RAB3IP: variants seen among roughly 807,000 people sequenced by gnomAD.
The protein encoded by RAB3IP is RAB3A interacting protein.
A neutral mutation model predicts 59.1 loss-of-function variants in RAB3IP; 36 were observed. The observed-to-expected ratio is 0.61, with a 90% CI of 0.47 to 0.80. The LOEUF (loss-of-function observed/expected upper bound fraction) is 0.80, where lower values mean the gene tolerates loss of function less well. Among genes scored for constraint, RAB3IP ranks in the 30% least tolerant of loss-of-function variants. RAB3IP has a pLI of 0.00. For missense variants in RAB3IP, 511 were observed against 536.0 expected (o/e 0.95, Z 0.46); for synonymous variants, 207 against 191.2 (o/e 1.08, Z -0.68).
chr12:69,771,609 C>T (rs77744545), intron 3 of RAB3IP, among the ~76,000 whole-genome samples: 4,410 of 151,976 alleles, frequency 0.029, 82 homozygotes, highest in Non-Finnish European at 0.044. Context: ...CTGCGGTAAA[C>T]TTGGGAGTGC....
In RAB3IP at chr12:69,770,277, C is replaced by T. The variant is rs1305365649; in HGVS notation, c.510+13614C>T. Among the ~76,000 whole-genome samples, 3 of 152,096 alleles carry T rather than the reference C, an allele frequency of 2.0e-5. No individual in the cohort carries two copies. In the East Asian group the frequency reaches 5.8e-4, roughly 29 times the overall value. ...TATCCACTGGGGGTTTTGTTCCAGT[C>T]CTCCAAATCCGCCCCCCCACCCTGC... On this transcript the variant is annotated intron_variant, in intron 3 of 10. Transcript: ENST00000247833.
rs1200773701 is a variant in RAB3IP, at chr12:69,811,211, A to G, written c.1131-1567A>G. 2.0e-5 allele frequency among the ~76,000 whole-genome samples: 3 copies of G among 152,138 alleles called. No individual in the cohort carries two copies. In the East Asian group the frequency reaches 5.8e-4, roughly 29 times the overall value. ...AACACATGGACACATAGAAGGGAAC[A>G]ACACACACTGCCGCTTGTGGAAGGG... On this transcript the variant is annotated intron_variant, in intron 8 of 10. Transcript: ENST00000247833.
intron 3 of RAB3IP, among the ~76,000 whole-genome samples, chr12:69,770,487 A>G (rs1592512578): frequency 6.6e-6 from 1 of 152,098 alleles, no homozygotes; most frequent in African/African-American, 2.4e-5. Context: ...TTTTTTCTCA[A>G]CATTTTGATC....
intron 6 of RAB3IP, among the ~76,000 whole-genome samples, chr12:69,798,912 T>C (rs531401560): frequency 6.6e-6 from 1 of 152,324 alleles, no homozygotes; most frequent in East Asian, 1.9e-4. Flanking sequence ...ATTGGAGATG[T>C]GACATCTCTT....
rs1401122664 is a variant in RAB3IP at position 69,795,257 on chromosome 12, T to C, written c.801T>C (p.His267=). 6.2e-7 allele frequency: 1 copy of C among 1,613,946 alleles called. No homozygotes were observed. The highest frequency in any genetic ancestry group is 8.5e-7 in the Non-Finnish European group (1 of 1,179,978). Residue 267 remains histidine (H), a synonymous_variant, in exon 6 of 11, where the codon CAT becomes CAC. Transcript: ENST00000247833. ...PGGKTPFKKG[H]TRNKSTSSAM... is the part of the protein sequence containing the mutation. Reference sequence around the variant, plus strand: ...GAAAGACACCTTTTAAAAAGGGGCATACAAGAAATAAAAGCACAAGCAGTG... The same window carrying C: ...GAAAGACACCTTTTAAAAAGGGGCACACAAGAAATAAAAGCACAAGCAGTG...
chr12:69,807,237 G>A (rs1188748650), intron 8 of RAB3IP, among the ~76,000 whole-genome samples: 3 of 149,680 alleles, frequency 2.0e-5, no homozygotes, highest in African/African-American at 4.9e-5. Flanking sequence ...CTCTCAGACG[G>A]GGCAGCCGTG....
rs1592642868 is a variant in RAB3IP at position 69,815,917 on chromosome 12, G to A, written c.*471G>A. On this transcript the variant is annotated 3_prime_UTR_variant, in exon 11 of 11. Transcript: ENST00000247833. ...TATTTTTATCTGTTTTCTATATTGG[G>A]TTTCAAAAAAGATTTTATTTGAAGA... 1 of 152,450 alleles carries A rather than the reference G, an allele frequency of 6.6e-6. No individual in the cohort carries two copies. The highest frequency in any genetic ancestry group is 1.5e-5 in the Non-Finnish European group (1 of 68,004). The allele number at this position is 152,450 out of a possible 1,614,324, so 9.4% of individuals were successfully genotyped here.
At chr12:69,771,574 C>T (rs532444904) in intron 3 of RAB3IP, among the ~76,000 whole-genome samples, 25 of 152,068 alleles carry the variant, frequency 1.6e-4, no homozygotes, top group African/African-American at 5.3e-4. Flanking sequence ...AGGTTAATTC[C>T]ATGTCTTAGC....
intron 1 of RAB3IP, among the ~76,000 whole-genome samples, chr12:69,742,140 G>A (rs1887407887): frequency 6.6e-6 from 1 of 152,184 alleles, no homozygotes; most frequent in East Asian, 1.9e-4. Flanking sequence ...GGATAGTTGA[G>A]TAGTGGAGAG....
chr12:69,742,113 A>G (rs1201923780), intron 1 of RAB3IP, among the ~76,000 whole-genome samples: 3 of 152,236 alleles, frequency 2.0e-5, no homozygotes, highest in African/African-American at 4.8e-5. Context: ...ATGAATGTCA[A>G]CTAAGACAAA....
chr12:69,809,652 G>A (rs927247396), intron 8 of RAB3IP, among the ~76,000 whole-genome samples: 176 of 151,306 alleles, frequency 1.2e-3, no homozygotes, highest in African/African-American at 4.0e-3. Flanking sequence ...CATTCATTTT[G>A]TCTTCCATCA....
chr12:69,784,157 G>T (rs1320877122), intron 3 of RAB3IP, among the ~76,000 whole-genome samples: 1 of 152,034 alleles, frequency 6.6e-6, no homozygotes. Context: ...TATAAATGTA[G>T]AATGTGATTT....
At chr12:69,773,405 T>C (rs1174395543) in intron 3 of RAB3IP, among the ~76,000 whole-genome samples, 1 of 134,466 alleles carries the variant, frequency 7.4e-6, no homozygotes, top group Non-Finnish European at 1.6e-5. Flanking sequence ...CTTTCTTTTT[T>C]TTTTTTTTTT....
intron 8 of RAB3IP, among the ~76,000 whole-genome samples, chr12:69,804,577 A>G (rs1183749962): frequency 6.6e-6 from 1 of 152,208 alleles, no homozygotes; most frequent in Non-Finnish European, 1.5e-5. Flanking sequence ...GTCCATGCCT[A>G]TGTCCTGAAT....
At position 69,795,289 on chromosome 12, in the gene RAB3IP, G is replaced by A. The variant is rs1180507420; in HGVS notation, c.833G>A (p.Ser278Asn). The change falls in exon 6 of 11, where the codon AGT becomes AAT. Residue 278 changes from serine to asparagine, a missense_variant. By Grantham distance (46) the Ser-to-Asn change is conservative (BLOSUM62 1). Transcript: ENST00000247833. ...AATAAAAGCACAAGCAGTGCTATGA[G>A]TGGCAGTCATCAGGACCTCAGTGTG... ...TRNKSTSSAM[S>N]GSHQDLSVIQ... is the part of the protein sequence containing the mutation. 1 of 1,614,098 alleles carries A rather than the reference G, an allele frequency of 6.2e-7. No individual in the cohort carries two copies. The highest frequency in any genetic ancestry group is 1.7e-5 in the Admixed American group (1 of 60,002).
At chr12:69,786,880 C>G (rs970389560) in intron 4 of RAB3IP, among the ~76,000 whole-genome samples, 1 of 152,176 alleles carries the variant, frequency 6.6e-6, no homozygotes, top group South Asian at 2.1e-4. Context: ...TGGCTGTTAG[C>G]ATTGACACTG....
chr12:69,784,009 T>C (rs552502933), intron 3 of RAB3IP, among the ~76,000 whole-genome samples: 6 of 152,326 alleles, frequency 3.9e-5, no homozygotes, highest in Admixed American at 2.0e-4. Flanking sequence ...TTGTGACTAA[T>C]ATGTAAGGAG....
At position 69,773,264 on chromosome 12, in the gene RAB3IP, C is replaced by T. The variant is rs183875611; in HGVS notation, c.511-11456C>T. Among the ~76,000 whole-genome samples, 127 of 151,986 alleles carry T rather than the reference C, an allele frequency of 8.4e-4. 1 individual carries two copies. Among genetic ancestry groups the T allele is most frequent in the African/African-American group, 2.7e-3 (112 of 41,478 alleles). On this transcript the variant is annotated intron_variant, in intron 3 of 10. Coordinates refer to ENST00000247833, the MANE Select transcript of RAB3IP (RefSeq NM_022456.5). Reference sequence around the variant, plus strand: ...TCTTTGAGAGCTTGATTATAATATGCCTTGGGGTAGTCTTATTTAGGTTGA... The same window carrying T: ...TCTTTGAGAGCTTGATTATAATATGTCTTGGGGTAGTCTTATTTAGGTTGA...
intron 8 of RAB3IP, among the ~76,000 whole-genome samples, chr12:69,808,845 CTT>C (rs1274413524): frequency 6.6e-6 from 1 of 152,002 alleles, no homozygotes; most frequent in Non-Finnish European, 1.5e-5. Flanking sequence ...GGTCTTGACT[CTT>C]TATCCAATTT....
Sources: gnomAD v4.1 joint callset for allele counts (sites outside exome capture counted in the v4.1 genomes callset) on GRCh38, gnomAD v4.1.1 for gene constraint, MANE v1.5 for transcripts, NCBI Gene and HGNC (gene_info 2026-07-23, HGNC 2026-07-21) for gene names.